DYM: variants seen among roughly 807,000 people sequenced by gnomAD.
The protein encoded by DYM is dymeclin.
Under a neutral mutation model 93.1 loss-of-function variants are expected in DYM, and 78 were observed. That is an observed-to-expected ratio of 0.84 (90% CI 0.70 to 1.01). DYM has a LOEUF of 1.01. Among genes scored for constraint, DYM ranks in the 50% least tolerant of loss-of-function variants. The probability of loss-of-function intolerance (pLI) is 0.00; values close to 1 mark genes in which losing one functional copy is unlikely to be tolerated. For synonymous variants in DYM, 321 were observed against 319.7 expected (o/e 1.00, Z -0.04); for missense variants, 789 against 845.0 (o/e 0.93, Z 0.82).
chr18:49,104,503 G>A (rs1183132115), intron 16 of DYM, among the ~76,000 whole-genome samples: 4 of 152,142 alleles, frequency 2.6e-5, no homozygotes, highest in Admixed American at 2.0e-4. Flanking sequence ...TTTTCAAAGG[G>A]AATGCTTCCA....
chr18:49,430,483 CAA>C, intron 1 of DYM, 36 bp from the exon 2 acceptor site: 4 of 1,486,536 alleles, frequency 2.7e-6, no homozygotes, highest in Admixed American at 1.7e-5. Context: ...TAAACTTGTT[CAA>C]AAGTCATCAT....
At chr18:49,075,329 G>A (rs1212392835) in intron 17 of DYM, among the ~76,000 whole-genome samples, 1 of 152,144 alleles carries the variant, frequency 6.6e-6, no homozygotes, top group Non-Finnish European at 1.5e-5. Context: ...TGGCTTGGTT[G>A]GGGACAGACA....
chr18:49,223,803 G>C (rs1402319681), intron 13 of DYM, among the ~76,000 whole-genome samples: 1 of 152,068 alleles, frequency 6.6e-6, no homozygotes, highest in African/African-American at 2.4e-5. Flanking sequence ...GCAGACATAG[G>C]ACTGAGACTG....
chr18:49,300,712 A>C (rs1217188126), intron 8 of DYM, among the ~76,000 whole-genome samples: 1 of 152,140 alleles, frequency 6.6e-6, no homozygotes, highest in Non-Finnish European at 1.5e-5. Context: ...ACCGAATTAC[A>C]GCAGATGTAA....
At chr18:49,292,312 ACAGGCAGGCAGG>A (rs60150235) in intron 8 of DYM, among the ~76,000 whole-genome samples, 4 of 110,926 alleles carry the variant, frequency 3.6e-5, no homozygotes, top group South Asian at 3.7e-4. Context: ...AGACAGACAG[ACAGGCAGGCAGG>A]CAGGCAGGCA....
chr18:49,148,982 A>C (rs1416678285), intron 15 of DYM, among the ~76,000 whole-genome samples: 1 of 152,168 alleles, frequency 6.6e-6, no homozygotes, highest in Non-Finnish European at 1.5e-5. Flanking sequence ...ATAATTATAC[A>C]ACTTACCATG....
At chr18:49,149,929 G>A (rs987216485) in intron 15 of DYM, among the ~76,000 whole-genome samples, 46 of 151,936 alleles carry the variant, frequency 3.0e-4, no homozygotes, top group African/African-American at 1.1e-3. Flanking sequence ...GGATGGTCTC[G>A]ATCTCTTGAC....
At chr18:49,298,906 C>A (rs2146120415) in intron 8 of DYM, among the ~76,000 whole-genome samples, 1 of 152,218 alleles carries the variant, frequency 6.6e-6, no homozygotes, top group South Asian at 2.1e-4. Context: ...TAAAAGGAAA[C>A]AAAATAAATG....
chr18:49,383,347 C>A (rs188969798), intron 3 of DYM, among the ~76,000 whole-genome samples: 1 of 151,956 alleles, frequency 6.6e-6, no homozygotes, highest in Non-Finnish European at 1.5e-5. Flanking sequence ...CAGCAGCATA[C>A]GGTGGAGGGA....
At chr18:49,157,063 G>A (rs1367932695) in intron 15 of DYM, among the ~76,000 whole-genome samples, 2 of 152,116 alleles carry the variant, frequency 1.3e-5, no homozygotes, top group Non-Finnish European at 2.9e-5. Flanking sequence ...TCCTGGACAT[G>A]CCTGACCTTG....
At chr18:49,145,802 C>T (rs1457112076) in intron 15 of DYM, among the ~76,000 whole-genome samples, 4 of 151,980 alleles carry the variant, frequency 2.6e-5, no homozygotes, top group East Asian at 1.9e-4. Context: ...TTTTTAATGT[C>T]CTTATATATA....
chr18:49,431,164 C>G (rs1363808781), intron 1 of DYM, among the ~76,000 whole-genome samples: 2 of 152,192 alleles, frequency 1.3e-5, no homozygotes, highest in African/African-American at 4.8e-5. Flanking sequence ...TGTGCTACTT[C>G]TACTTATGGG....
chr18:49,291,502 C>G (rs760091518), intron 8 of DYM, among the ~76,000 whole-genome samples: 1 of 152,058 alleles, frequency 6.6e-6, no homozygotes, highest in Non-Finnish European at 1.5e-5. Context: ...GGAAATAGTC[C>G]CCATCCCTAA....
intron 17 of DYM, among the ~76,000 whole-genome samples, chr18:49,092,082 G>GTA (rs2079098845): frequency 6.6e-6 from 1 of 152,208 alleles, no homozygotes; most frequent in Non-Finnish European, 1.5e-5. Context: ...CATTTCAGTT[G>GTA]TATATAAATG....
At chr18:49,128,240 T>G (rs1052971471) in intron 15 of DYM, among the ~76,000 whole-genome samples, 1 of 152,168 alleles carries the variant, frequency 6.6e-6, no homozygotes, top group African/African-American at 2.4e-5. Flanking sequence ...GAACTTGGGG[T>G]GCAGAATAGA....
intron 17 of DYM, among the ~76,000 whole-genome samples, chr18:49,091,358 G>A (rs1430240431): frequency 1.3e-5 from 2 of 152,176 alleles, no homozygotes; most frequent in Non-Finnish European, 2.9e-5. Context: ...GGGGCTGGGA[G>A]TGCAGAAATG....
intron 11 of DYM, among the ~76,000 whole-genome samples, chr18:49,263,238 C>T (rs546092280): frequency 2.8e-4 from 42 of 151,730 alleles, no homozygotes; most frequent in Non-Finnish European, 5.9e-4. Flanking sequence ...CCTGCCTCGG[C>T]CTCCTGAGTA....
At position 49,257,046 on chromosome 18, in the gene DYM, C is replaced by T. The variant is rs377383617; in HGVS notation, c.1424G>A (p.Arg475His). The T allele has an allele frequency of 3.5e-5, 57 of 1,613,904 alleles. No homozygotes were observed. Among genetic ancestry groups the T allele is most frequent in the African/African-American group, 8.0e-5 (6 of 75,014 alleles). The change falls in exon 13 of 18, where the codon CGT (arginine) becomes CAT (histidine). Residue 475 changes from arginine (R) to histidine (H), a missense_variant. Physicochemically the swap from Arg to His is conservative, Grantham distance 29. Coordinates refer to ENST00000675505, the MANE Select transcript of DYM (RefSeq NM_001353214.3). ...CTGGGCAGCATACTGATGGAGAGAA[C>T]GAAACTGTGCCGACATATTTGCTAA... is the stretch of plus-strand genomic sequence containing the variant. ...AALANMSAQFRSLHQYAAQRI... is the reference protein window; with the variant it reads ...AALANMSAQFHSLHQYAAQRI...
At chr18:49,170,432 C>T (rs1434286390) in intron 14 of DYM, among the ~76,000 whole-genome samples, 1 of 151,998 alleles carries the variant, frequency 6.6e-6, no homozygotes, top group East Asian at 1.9e-4. Context: ...CTATTTGCAT[C>T]AGCTGCAATC....
Sources: gnomAD v4.1 joint callset for allele counts (sites outside exome capture counted in the v4.1 genomes callset) on GRCh38, gnomAD v4.1.1 for gene constraint, MANE v1.5 for transcripts, NCBI Gene and HGNC (gene_info 2026-07-23, HGNC 2026-07-21) for gene names.